Variants in METTL24 observed in about 807,000 individuals in gnomAD.
METTL24 encodes probable methyltransferase-like protein 24.
A neutral mutation model predicts 32.7 loss-of-function variants in METTL24; 29 were observed. The observed-to-expected ratio is 0.89, with a 90% CI of 0.66 to 1.21. The LOEUF is 1.21. METTL24 is among the 50% of genes most tolerant of loss of function. The pLI, the probability that METTL24 is intolerant of heterozygous loss-of-function variation, is 0.00. For missense variants in METTL24, 439 were observed against 468.1 expected (o/e 0.94, Z 0.57); for synonymous variants, 163 against 179.5 (o/e 0.91, Z 0.73).
At chr6:110,337,769 ACT>A (rs776182029) in intron 1 of METTL24, among the ~76,000 whole-genome samples, 7 of 152,096 alleles carry the variant, frequency 4.6e-5, no homozygotes, top group Admixed American at 1.3e-4. Flanking sequence ...TATTCTTCAG[ACT>A]CTAGTTTTAG....
chr6:110,246,395 A>C, intron 4 of METTL24, 135 bp from the exon 5 acceptor site: 1 of 706,348 alleles, frequency 1.4e-6, no homozygotes, highest in South Asian at 2.0e-5. Context: ...TCAAGTGGCC[A>C]TTTGCATTTA....
intron 4 of METTL24, among the ~76,000 whole-genome samples, chr6:110,290,704 CAT>C (rs1217516704): frequency 2.0e-5 from 3 of 152,154 alleles, no homozygotes; most frequent in Admixed American, 6.5e-5. Context: ...TTTGTGCAGA[CAT>C]ATGTTTTCAG....
At chr6:110,356,809 G>A (rs1367623221) in intron 1 of METTL24, among the ~76,000 whole-genome samples, 2 of 152,178 alleles carry the variant, frequency 1.3e-5, no homozygotes, top group African/African-American at 4.8e-5. Flanking sequence ...GATAGAAAAA[G>A]GTATTTCAGT....
chr6:110,305,100 G>A (rs1771604687), intron 3 of METTL24, among the ~76,000 whole-genome samples: 1 of 152,090 alleles, frequency 6.6e-6, no homozygotes, highest in Non-Finnish European at 1.5e-5. Flanking sequence ...TTACAGGCAA[G>A]GAAATACTGA....
At chr6:110,292,802 A>G (rs1012262726) in intron 4 of METTL24, among the ~76,000 whole-genome samples, 2 of 152,012 alleles carry the variant, frequency 1.3e-5, no homozygotes, top group Admixed American at 6.5e-5. Context: ...AAAGGCATCA[A>G]ATAAAGCTGA....
chr6:110,251,799 C>G (rs561306435), intron 4 of METTL24, among the ~76,000 whole-genome samples: 1 of 152,176 alleles, frequency 6.6e-6, no homozygotes, highest in African/African-American at 2.4e-5. Flanking sequence ...CCCATTCATG[C>G]AGGTAGAGCC....
chr6:110,358,152 G>A lies in METTL24; in HGVS notation c.121C>T (p.Pro41Ser). ...GGGCCCGGCGGGGCGCTGCGGGTGG[G>A]GGACCCGGGCCCGGCGCGCCGCAGC... ...AELRRAGPGSPTRSAPPGPAW... is the reference protein window; with the variant it reads ...AELRRAGPGSSTRSAPPGPAW... The change falls in exon 1 of 5, where the codon CCC becomes TCC. Residue 41 changes from proline (P) to serine (S), a missense_variant. Transcript: ENST00000338882. The A allele has an allele frequency of 8.4e-7, 1 of 1,185,926 alleles. No homozygotes were observed. The highest frequency in any genetic ancestry group is 1.0e-6 in the Non-Finnish European group (1 of 959,966). The allele number at this position is 1,185,926 out of a possible 1,614,324, so 73.5% of individuals were successfully genotyped here.
intron 4 of METTL24, among the ~76,000 whole-genome samples, chr6:110,288,158 A>C (rs1267250524): frequency 1.3e-5 from 2 of 152,170 alleles, no homozygotes; most frequent in Non-Finnish European, 2.9e-5. Context: ...GACTGCGTTC[A>C]AGTCTCAGCA....
At chr6:110,263,657 C>T (rs1261457660) in intron 4 of METTL24, among the ~76,000 whole-genome samples, 2 of 152,104 alleles carry the variant, frequency 1.3e-5, no homozygotes, top group East Asian at 1.9e-4. Context: ...GAGCCCGCAT[C>T]GCCAAGTCAA....
Position 110,344,110 on chromosome 6 carries a change from G to C in METTL24, c.318+13845C>G, listed in dbSNP as rs568681775. ...ATCTGCCCAACAATGCAACGGTTAT[G>C]TTATAAGGGTGGGTAACGGAGTAGG... On this transcript the variant is annotated intron_variant, in intron 1 of 4. Coordinates refer to ENST00000338882, the MANE Select transcript of METTL24 (RefSeq NM_001123364.3). Among the ~76,000 whole-genome samples the C allele has an allele frequency of 5.3e-5, 8 of 152,340 alleles. No homozygotes were observed. The South Asian group carries it at 1.7e-3, about 32-fold the overall frequency.
intron 1 of METTL24, among the ~76,000 whole-genome samples, chr6:110,323,390 C>T (rs34077454): frequency 0.14 from 21,621 of 152,066 alleles, 1,944 homozygotes; most frequent in African/African-American, 0.23. Flanking sequence ...CTGCTGGGAC[C>T]CTGCACAGGC....
intron 4 of METTL24, among the ~76,000 whole-genome samples, chr6:110,288,421 T>C (rs984219497): frequency 1.3e-5 from 2 of 152,202 alleles, no homozygotes; most frequent in African/African-American, 2.4e-5. Context: ...GTGTTGAATA[T>C]GATTTGGAGG....
intron 4 of METTL24, among the ~76,000 whole-genome samples, chr6:110,296,201 C>T (rs1037172972): frequency 2.0e-5 from 3 of 152,128 alleles, no homozygotes; most frequent in African/African-American, 4.8e-5. Flanking sequence ...TTAACTAGCT[C>T]GGATCATTGA....
At chr6:110,328,285 T>C (rs1336146235) in intron 1 of METTL24, among the ~76,000 whole-genome samples, 1 of 152,236 alleles carries the variant, frequency 6.6e-6, no homozygotes, top group Non-Finnish European at 1.5e-5. Flanking sequence ...TGCAAAGGCC[T>C]TATCTGGCAC....
intron 1 of METTL24, among the ~76,000 whole-genome samples, chr6:110,336,359 A>T (rs1772227824): frequency 6.6e-6 from 1 of 152,204 alleles, no homozygotes; most frequent in African/African-American, 2.4e-5. Flanking sequence ...TGAAATTTGA[A>T]ATCAAACACC....
At chr6:110,336,628 T>A (rs1772236473) in intron 1 of METTL24, among the ~76,000 whole-genome samples, 1 of 151,190 alleles carries the variant, frequency 6.6e-6, no homozygotes, top group Non-Finnish European at 1.5e-5. Flanking sequence ...TAGCCCCAGC[T>A]ACTTGGGAGG....
At chr6:110,270,146 A>G (rs1418754853) in intron 4 of METTL24, among the ~76,000 whole-genome samples, 1 of 152,214 alleles carries the variant, frequency 6.6e-6, no homozygotes, top group African/African-American at 2.4e-5. Context: ...GTTGGCTCAG[A>G]ACACAGAGAG....
intron 4 of METTL24, among the ~76,000 whole-genome samples, chr6:110,263,375 T>G (rs1234864214): frequency 6.6e-6 from 1 of 152,090 alleles, no homozygotes; most frequent in Admixed American, 6.5e-5. Context: ...TCACAATTGC[T>G]TCAAAGAGAA....
rs1436233328 is a variant in METTL24, at chr6:110,298,812, A to AT, written c.786+109dup. The AT allele has an allele frequency of 2.9e-5, 25 of 872,072 alleles. No individual in the cohort carries two copies. In the African/African-American group the frequency reaches 3.5e-4, roughly 12 times the overall value. 54.0% of individuals were successfully genotyped at this position (872,072 alleles called of 1,614,324 possible). ...ATGTTGGGTGATTAGTAAGATTAAA[A>AT]TCGGACCTTCAGCTATCCAATGTCA... On this transcript the variant is annotated intron_variant, in intron 4 of 4. Coordinates refer to ENST00000338882, the MANE Select transcript of METTL24 (RefSeq NM_001123364.3).
Sources: gnomAD v4.1 joint callset for allele counts (sites outside exome capture counted in the v4.1 genomes callset) on GRCh38, gnomAD v4.1.1 for gene constraint, MANE v1.5 for transcripts, NCBI Gene and HGNC (gene_info 2026-07-23, HGNC 2026-07-21) for gene names.